EXOSC8: variants seen among roughly 807,000 people sequenced by gnomAD.
The protein encoded by EXOSC8 is exosome complex component RRP43.
EXOSC8 carries 37 observed loss-of-function variants against 39.9 expected under a neutral mutation model. That is an observed-to-expected ratio of 0.93 (90% CI 0.71 to 1.22). The LOEUF (loss-of-function observed/expected upper bound fraction) is 1.22. Among genes scored for constraint, EXOSC8 ranks in the 50% most tolerant of loss-of-function variants. The probability of loss-of-function intolerance (pLI) is 0.00; values close to 1 mark genes in which losing one functional copy is unlikely to be tolerated. For synonymous variants in EXOSC8, 93 were observed against 109.5 expected, an observed-to-expected ratio of 0.85 and a Z score of 0.94; for missense variants, 313 against 326.6, an observed-to-expected ratio of 0.96 and a Z score of 0.32.
rs1202776890 is a variant in EXOSC8 at position 37,009,203 on chromosome 13, AG to A, written c.736del (p.Ala246LeufsTer7). 1 of 1,611,090 alleles carries A rather than the reference AG, an allele frequency of 6.2e-7. No individual in the cohort carries two copies. The highest frequency in any genetic ancestry group is 1.7e-5 in the Admixed American group (1 of 59,312). On this transcript the variant is annotated frameshift_variant, in exon 11 of 11. Coordinates refer to ENST00000389704, the MANE Select transcript of EXOSC8 (RefSeq NM_181503.3). LOFTEE classifies it high-confidence loss of function. ...TTTCAGGTGGAAGTGGGCTAACTGG[AG>A]CTAAACTTCAGGACTGTATGAGCCG... ...HKPGGSGLTG[A>X]KLQDCMSRAV...
At chr13:37,006,249 CCAAT>C (rs962292194) in intron 7 of EXOSC8, 89 bp downstream of exon 7, 8 of 819,648 alleles carry the variant, frequency 9.8e-6, no homozygotes, top group South Asian at 1.7e-5. Flanking sequence ...ATTAAAACCA[CCAAT>C]CAAAGTAGCT....
rs767577789 is a variant in EXOSC8, at chr13:37,006,006, A to G, written c.325A>G (p.Ile109Val). The change falls in exon 6 of 11, where the codon ATT (isoleucine) becomes GTT (valine). Residue 109 changes from isoleucine to valine, a missense_variant. Physicochemically the swap from Ile to Val is conservative, Grantham distance 29. Coordinates refer to ENST00000389704, the MANE Select transcript of EXOSC8 (RefSeq NM_181503.3). ...GEEAQVASQFIADVIENSQII... is the reference protein window; with the variant it reads ...GEEAQVASQFVADVIENSQII... ...AGAGGCCCAAGTGGCTAGCCAGTTC[A>G]TTGCAGATGTCATTGAAAAGTAAGA... is the stretch of plus-strand genomic sequence containing the variant. The G allele has an allele frequency of 1.2e-6, 2 of 1,606,866 alleles. No homozygotes were observed. Among genetic ancestry groups the G allele is most frequent in the Non-Finnish European group, 1.7e-6 (2 of 1,173,878 alleles).
intron 9 of EXOSC8, 99 bp downstream of exon 9, chr13:37,008,276 C>T (rs1383721145): frequency 2.0e-6 from 2 of 982,286 alleles, no homozygotes; most frequent in African/African-American, 1.7e-5. Context: ...GGTGACCCTA[C>T]ATCCTAGTTT....
Position 37,006,151 on chromosome 13 carries a change from T to TTTG in EXOSC8, c.381_382insTTG (p.Ser127_Pro128insLeu). On this transcript the variant is annotated inframe_insertion, in exon 7 of 11. Transcript: ENST00000389704. ...TTCAGAAAGAGGACTTATGCATTTC[T>TTTG]CCAGGAAAGGTAAGAGGAATAGAGA... 6.2e-7 allele frequency: 1 copy of TTTG among 1,608,070 alleles called. No homozygotes were observed. The highest frequency in any genetic ancestry group is 8.5e-7 in the Non-Finnish European group (1 of 1,174,952).
chr13:37,006,163 A>G lies in EXOSC8; in HGVS notation c.390+3A>G. On this transcript the variant is annotated splice_donor_region_variant and intron_variant, in intron 7 of 10. Coordinates refer to ENST00000389704, the MANE Select transcript of EXOSC8 (RefSeq NM_181503.3). ...ACTTATGCATTTCTCCAGGAAAGGT[A>G]AGAGGAATAGAGAAGCTATAAGTTC... The G allele has an allele frequency of 1.3e-6, 2 of 1,598,746 alleles. No individual in the cohort carries two copies. Among genetic ancestry groups the G allele is most frequent in the Non-Finnish European group, 1.7e-6 (2 of 1,166,994 alleles).
At chr13:37,009,093 A>T (rs2059189935) in intron 10 of EXOSC8, 91 bp from the exon 11 acceptor site, 2 of 865,900 alleles carry the variant, frequency 2.3e-6, no homozygotes, top group Admixed American at 2.6e-5. Context: ...ACATTATCCA[A>T]TTTTTTTGTT....
intron 8 of EXOSC8, among the ~76,000 whole-genome samples, 175 bp from the exon 9 acceptor site, chr13:37,007,882 T>G (rs1349712973): frequency 6.6e-6 from 1 of 152,064 alleles, no homozygotes; most frequent in African/African-American, 2.4e-5. Flanking sequence ...GAATGTCAGA[T>G]GTTGTGAAAA....
rs1239215488 is a variant in EXOSC8, at chr13:37,006,826, A to G, written c.391-149A>G. ...TCTTCTGGTTTTCTATAGAACTTTAAAAAGGTGAAGCATTTTCTTAAGGTT... is the reference window on the plus strand; with the variant it reads ...TCTTCTGGTTTTCTATAGAACTTTAGAAAGGTGAAGCATTTTCTTAAGGTT... On this transcript the variant is annotated intron_variant, in intron 7 of 10. Transcript: ENST00000389704. The G allele has an allele frequency of 7.0e-6, 4 of 575,174 alleles. No individual in the cohort carries two copies. The East Asian group carries it at 8.8e-5, about 13-fold the overall frequency. 35.6% of individuals were successfully genotyped at this position (575,174 alleles called of 1,614,324 possible). A position where few individuals can be genotyped will look rare whatever the true frequency, so the allele number is the denominator to read the frequency against.
chr13:37,000,907 G>T (rs1430079947), intron 1 of EXOSC8, 85 bp downstream of exon 1: 7 of 1,409,652 alleles, frequency 5.0e-6, no homozygotes, highest in Non-Finnish European at 6.6e-6. Flanking sequence ...TCTCTCACCT[G>T]GAGGCCGACC....
intron 3 of EXOSC8, 51 bp downstream of exon 3, chr13:37,002,602 C>T (rs1566073715): frequency 8.1e-7 from 1 of 1,238,722 alleles, no homozygotes; most frequent in East Asian, 2.4e-5. Context: ...AAGTTTTAGT[C>T]TATGAACCAG....
In EXOSC8 at chr13:37,007,137, T is replaced by C. The variant is rs376382071; in HGVS notation, c.487+66T>C. 9.1e-6 allele frequency: 9 copies of C among 992,960 alleles called. No individual in the cohort carries two copies. In the African/African-American group the frequency reaches 1.1e-4, roughly 12 times the overall value. 61.5% of individuals were successfully genotyped at this position (992,960 alleles called of 1,614,324 possible). On this transcript the variant is annotated intron_variant, in intron 8 of 10. Transcript: ENST00000389704. The stretch of plus-strand genomic sequence containing the variant: ...GTTAGAATGTTGTTTTGTGAAACTT[T>C]TAATGTACATTTGCTTTCGTATGCT...
chr13:37,005,262 T>C (rs1384729163), intron 5 of EXOSC8, among the ~76,000 whole-genome samples: 2 of 152,200 alleles, frequency 1.3e-5, no homozygotes, highest in Non-Finnish European at 2.9e-5. Context: ...ACCAACATTT[T>C]TTTTAAATGA....
At chr13:37,002,852 A>G in intron 3 of EXOSC8, 82 bp from the exon 4 acceptor site, 1 of 953,624 alleles carries the variant, frequency 1.0e-6, no homozygotes. Context: ...CAGCAAACTA[A>G]AACACTTAAT....
Position 37,006,165 on chromosome 13 carries a change from G to A in EXOSC8, c.390+5G>A, listed in dbSNP as rs1593701296. ...TTATGCATTTCTCCAGGAAAGGTAA[G>A]AGGAATAGAGAAGCTATAAGTTCTT... On this transcript the variant is annotated splice_donor_5th_base_variant and intron_variant, in intron 7 of 10. Coordinates refer to ENST00000389704, the MANE Select transcript of EXOSC8 (RefSeq NM_181503.3). 4 of 1,590,468 alleles carry A rather than the reference G, an allele frequency of 2.5e-6. No individual in the cohort carries two copies. Among genetic ancestry groups the A allele is most frequent in the Non-Finnish European group, 3.4e-6 (4 of 1,161,728 alleles).
intron 4 of EXOSC8, chr13:37,003,276 A>G (rs1293801177): frequency 5.3e-6 from 2 of 376,738 alleles, no homozygotes; most frequent in African/African-American, 2.1e-5. Context: ...TGAGACATTA[A>G]CAGATTTTTG....
chr13:37,007,063 TA>T lies in EXOSC8; in HGVS notation c.485del (p.Asn162MetfsTer9). 2 of 1,606,472 alleles carry T rather than the reference TA, an allele frequency of 1.2e-6. No homozygotes were observed. The highest frequency in any genetic ancestry group is 1.7e-6 in the Non-Finnish European group (2 of 1,172,966). The stretch of plus-strand genomic sequence containing the variant: ...TGCACATTTGCTTTGCTAGCGGCTT[TA>T]AAAAATGGTAAGCAGCCTTACAAAA... ...DACTFALLAALKNVQLPEVTI... is the reference protein window; with the variant it reads ...DACTFALLAAXKNVQLPEVTI... On this transcript the variant is annotated frameshift_variant, in exon 8 of 11. Transcript: ENST00000389704. LOFTEE classifies it high-confidence loss of function.
Position 37,007,560 on chromosome 13 carries a change from T to C in EXOSC8, c.487+489T>C, listed in dbSNP as rs902512900. 3.9e-5 allele frequency among the ~76,000 whole-genome samples: 6 copies of C among 152,130 alleles called. No individual in the cohort carries two copies. In the South Asian group the frequency reaches 6.2e-4, roughly 16 times the overall value. On this transcript the variant is annotated intron_variant, in intron 8 of 10. Coordinates refer to ENST00000389704, the MANE Select transcript of EXOSC8 (RefSeq NM_181503.3). Reference sequence around the variant, plus strand: ...ATGATGAATTGGTAGGAACAAATAATTGGAGGTGGAATATAAAGTTAGCAC... The same window carrying C: ...ATGATGAATTGGTAGGAACAAATAACTGGAGGTGGAATATAAAGTTAGCAC...
chr13:37,005,576 G>C (rs1343128531), intron 5 of EXOSC8, among the ~76,000 whole-genome samples: 1 of 151,998 alleles, frequency 6.6e-6, no homozygotes, highest in African/African-American at 2.4e-5. Flanking sequence ...TCCATAAATT[G>C]AAAAGTTTAG....
Position 37,009,450 on chromosome 13 carries a change from G to A in EXOSC8, c.*151G>A. ...CACTTCCATATATATTATGTATAGT[G>A]AAACCATTTTTAAAAAGCAATGACT... On this transcript the variant is annotated 3_prime_UTR_variant, in exon 11 of 11. Transcript: ENST00000389704. The A allele has an allele frequency of 1.4e-6, 1 of 738,976 alleles. No homozygotes were observed. The highest frequency in any genetic ancestry group is 1.9e-5 in the South Asian group (1 of 52,326). 45.8% of individuals were successfully genotyped at this position (738,976 alleles called of 1,614,324 possible). A position where few individuals can be genotyped will look rare whatever the true frequency, so the allele number is the denominator to read the frequency against.
Sources: allele counts gnomAD v4.1 joint callset (sites outside exome capture counted in the v4.1 genomes callset), GRCh38; gene constraint gnomAD v4.1.1; transcripts MANE v1.5; gene names NCBI Gene and HGNC (gene_info 2026-07-23, HGNC 2026-07-21).